Variants in DYNC1I1 observed in about 807,000 individuals in gnomAD.
DYNC1I1 encodes the protein dynein cytoplasmic 1 intermediate chain 1.
In DYNC1I1, 43 loss-of-function variants were observed where a neutral mutation model predicts 86.6. The ratio of observed to expected loss-of-function variants is 0.50; its 90% confidence interval spans 0.39 to 0.64. The LOEUF (loss-of-function observed/expected upper bound fraction) is 0.64, where lower values mean the gene tolerates loss of function less well. DYNC1I1 is among the 30% of genes least tolerant of loss of function. The pLI is 0.00. For synonymous variants in DYNC1I1, 262 were observed against 283.7 expected (o/e 0.92, Z 0.77); for missense variants, 604 against 788.8 (o/e 0.77, Z 2.81).
At chr7:96,029,051 G>C (rs1332573175) in intron 11 of DYNC1I1, among the ~76,000 whole-genome samples, 1 of 152,114 alleles carries the variant, frequency 6.6e-6, no homozygotes, top group Non-Finnish European at 1.5e-5. Flanking sequence ...TATGCCCAAG[G>C]ATACAGCTTT....
Position 95,984,864 on chromosome 7 carries a change from A to C in DYNC1I1, c.630A>C (p.Ser210=). The C allele has an allele frequency of 6.2e-7, 1 of 1,613,366 alleles. No individual in the cohort carries two copies. The highest frequency in any genetic ancestry group is 1.1e-5 in the South Asian group (1 of 90,828). Residue 210 remains serine (S), a synonymous_variant, in exon 8 of 17, where the codon TCA becomes TCC. Coordinates refer to ENST00000447467, the MANE Select transcript of DYNC1I1 (RefSeq NM_001135556.2). The part of the protein sequence containing the change: ...TEEEKQQILH[S]EEFLIFFDRT... ...AAGAAAAACAGCAGATCCTTCATTC[A>C]GAGGAATTTCTCATCTTTTTTGACC... is the stretch of plus-strand genomic sequence containing the variant.
chr7:95,848,212 T>G (rs1455298394), intron 5 of DYNC1I1, among the ~76,000 whole-genome samples: 17 of 151,534 alleles, frequency 1.1e-4, no homozygotes, highest in African/African-American at 3.1e-4. Context: ...ACAGTTGTTT[T>G]TTTTTTTTTT....
chr7:96,100,586 G>C (rs1791117619), downstream of DYNC1I1, among the ~76,000 whole-genome samples: 1 of 151,604 alleles, frequency 6.6e-6, no homozygotes, highest in African/African-American at 2.4e-5. Flanking sequence ...TAGATTTTGA[G>C]GTGTTTAATC....
Position 95,776,777 on chromosome 7 carries a change from C to T in DYNC1I1, c.-10+4004C>T, listed in dbSNP as rs544580268. 1.4e-4 allele frequency among the ~76,000 whole-genome samples: 21 copies of T among 152,306 alleles called. No individual in the cohort carries two copies. In the South Asian group the frequency reaches 4.4e-3, roughly 32 times the overall value. On this transcript the variant is annotated intron_variant, in intron 1 of 16. Coordinates refer to ENST00000447467, the MANE Select transcript of DYNC1I1 (RefSeq NM_001135556.2). The stretch of plus-strand genomic sequence containing the variant: ...TCAGGCCTGCAACTGAGTCAGGCCT[C>T]CAGGCGTGGCAGGCAGTCCTAGCTT...
chr7:95,933,338 C>T (rs1187997860), intron 6 of DYNC1I1, among the ~76,000 whole-genome samples: 3 of 152,200 alleles, frequency 2.0e-5, no homozygotes, highest in African/African-American at 7.2e-5. Flanking sequence ...TTGAGATTCT[C>T]ATTCCTAACA....
intron 4 of DYNC1I1, 58 bp from the exon 5 acceptor site, chr7:95,827,999 G>T (rs1391056200): frequency 6.3e-7 from 1 of 1,595,480 alleles, no homozygotes; most frequent in East Asian, 2.2e-5. Context: ...GGTTTGGTTT[G>T]TTGCCCTCCC....
chr7:95,817,242 G>A (rs1457021314), intron 4 of DYNC1I1, among the ~76,000 whole-genome samples: 2 of 151,220 alleles, frequency 1.3e-5, no homozygotes, highest in African/African-American at 4.9e-5. Context: ...TTTGTAGAAT[G>A]AACTATATAA....
chr7:95,898,431 TC>T (rs1484804930), intron 6 of DYNC1I1, among the ~76,000 whole-genome samples: 1 of 152,174 alleles, frequency 6.6e-6, no homozygotes, highest in African/African-American at 2.4e-5. Context: ...CATTTCTCCA[TC>T]CCTTCTGTTC....
chr7:95,937,777 CAAT>C (rs1792087518), intron 6 of DYNC1I1, among the ~76,000 whole-genome samples: 1 of 151,952 alleles, frequency 6.6e-6, no homozygotes, highest in Admixed American at 6.6e-5. Context: ...TTTCCTATTA[CAAT>C]GACAATCCAT....
At chr7:95,912,059 A>G (rs1162631575) in intron 6 of DYNC1I1, among the ~76,000 whole-genome samples, 2 of 152,016 alleles carry the variant, frequency 1.3e-5, no homozygotes, top group Non-Finnish European at 1.5e-5. Flanking sequence ...TTTTTTGAGA[A>G]AGAATCTTGC....
intron 16 of DYNC1I1, among the ~76,000 whole-genome samples, chr7:96,083,863 CT>C (rs1410578482): frequency 4.6e-5 from 7 of 152,170 alleles, no homozygotes; most frequent in Admixed American, 3.3e-4. Flanking sequence ...GAAAACCTTG[CT>C]TTGTAGAACC....
chr7:95,951,283 G>A (rs1398232982), intron 6 of DYNC1I1, among the ~76,000 whole-genome samples: 2 of 151,992 alleles, frequency 1.3e-5, no homozygotes, highest in Non-Finnish European at 2.9e-5. Flanking sequence ...TATAGCTTTG[G>A]CCTTCCTCAT....
intron 5 of DYNC1I1, among the ~76,000 whole-genome samples, chr7:95,858,177 T>C (rs1789776082): frequency 1.3e-5 from 2 of 152,234 alleles, no homozygotes; most frequent in Admixed American, 6.5e-5. Flanking sequence ...TAGTGAGCAA[T>C]AGTCATAACT....
intron 1 of DYNC1I1, among the ~76,000 whole-genome samples, chr7:95,803,748 T>C (rs951126825): frequency 6.6e-6 from 1 of 152,200 alleles, no homozygotes; most frequent in Non-Finnish European, 1.5e-5. Context: ...GGTTAGTCAA[T>C]TTTTCCCCAT....
In DYNC1I1 at chr7:95,810,496, G is replaced by A; in HGVS notation, c.213G>A (p.Glu71=). The A allele has an allele frequency of 6.2e-7, 1 of 1,611,868 alleles. No homozygotes were observed. Among genetic ancestry groups the A allele is most frequent in the Non-Finnish European group, 8.5e-7 (1 of 1,178,918 alleles). Residue 71 remains glutamate (E), a synonymous_variant, in exon 3 of 17, where the codon GAG becomes GAA. Coordinates refer to ENST00000447467, the MANE Select transcript of DYNC1I1 (RefSeq NM_001135556.2). ...TGCAAAGCATTGGTATCTCACCGGA[G>A]CCGCCTCTAGGTACTTAAAAGTGCT... The part of the protein sequence containing the change: ...ALLQSIGISP[E]PPLVPTPMSP...
chr7:96,016,324 G>A (rs537954702), intron 10 of DYNC1I1, among the ~76,000 whole-genome samples: 1 of 147,462 alleles, frequency 6.8e-6, no homozygotes, highest in African/African-American at 2.5e-5. Context: ...TTTTTTAATG[G>A]TCTCTCTATA....
chr7:95,780,839 G>A (rs1793973239), intron 1 of DYNC1I1, among the ~76,000 whole-genome samples: 1 of 152,096 alleles, frequency 6.6e-6, no homozygotes, highest in Admixed American at 6.6e-5. Context: ...TGGTGGGTTT[G>A]GATGATGGAA....
intron 1 of DYNC1I1, among the ~76,000 whole-genome samples, chr7:95,800,524 G>A (rs564358643): frequency 5.9e-5 from 9 of 152,274 alleles, no homozygotes; most frequent in East Asian, 5.8e-4. Context: ...ACTCTGCTCC[G>A]AGGATGCTGA....
At position 95,965,701 on chromosome 7, in the gene DYNC1I1, G is replaced by A. The variant is rs530786564; in HGVS notation, c.491-11811G>A. 8.5e-5 allele frequency among the ~76,000 whole-genome samples: 13 copies of A among 152,194 alleles called. 1 individual carries two copies. In the South Asian group the frequency reaches 2.3e-3, roughly 27 times the overall value. ...CCCCACATACCTTGCAGGATGGTGG[G>A]CTTGCTGAAAGGGATTATCAAGAAA... On this transcript the variant is annotated intron_variant, in intron 6 of 16. Coordinates refer to ENST00000447467, the MANE Select transcript of DYNC1I1 (RefSeq NM_001135556.2).
Sources: allele counts gnomAD v4.1 joint callset (sites outside exome capture counted in the v4.1 genomes callset), GRCh38; gene constraint gnomAD v4.1.1; transcripts MANE v1.5; gene names NCBI Gene and HGNC (gene_info 2026-07-23, HGNC 2026-07-21).